The following GFM2 variants were observed in gnomAD, a reference collection of about 807,000 sequenced individuals.
The protein encoded by GFM2 is ribosome-releasing factor 2, mitochondrial.
Under a neutral mutation model 95.4 loss-of-function variants are expected in GFM2, and 72 were observed. That is an observed-to-expected ratio of 0.76 (90% CI 0.62 to 0.92). The LOEUF is 0.92. Among genes scored for constraint, GFM2 ranks in the 40% least tolerant of loss-of-function variants. The probability of loss-of-function intolerance (pLI) is 0.00; values close to 1 mark genes in which losing one functional copy is unlikely to be tolerated. For missense variants in GFM2, 825 were observed against 924.1 expected, an observed-to-expected ratio of 0.89 and a Z score of 1.39; for synonymous variants, 276 against 317.5, an observed-to-expected ratio of 0.87 and a Z score of 1.39.
intron 11 of GFM2, among the ~76,000 whole-genome samples, chr5:74,741,112 T>A (rs1034745680): frequency 6.6e-6 from 1 of 152,072 alleles, no homozygotes; most frequent in Admixed American, 6.6e-5. Context: ...CTGTAATGAG[T>A]TTCCATGAAA....
At chr5:74,748,998 C>T (rs1329314884) in intron 7 of GFM2, among the ~76,000 whole-genome samples, 6 of 148,808 alleles carry the variant, frequency 4.0e-5, no homozygotes, top group Non-Finnish European at 7.4e-5. Context: ...AAAGTAGTTG[C>T]ATTATTTTGC....
At position 74,725,941 on chromosome 5, in the gene GFM2, C is replaced by T. The variant is rs1281793876; in HGVS notation, c.1912G>A (p.Gly638Arg). 1.9e-6 allele frequency: 3 copies of T among 1,607,502 alleles called. No homozygotes were observed. The highest frequency in any genetic ancestry group is 1.7e-5 in the Admixed American group (1 of 59,180). Reference sequence around the variant, plus strand: ...GCTTACTCTCATTTGAGTGTCTTACCTTGGAGACATGCGCTGTGAATTCCA... The same window carrying T: ...GCTTACTCTCATTTGAGTGTCTTACTTTGGAGACATGCGCTGTGAATTCCA... ...ENGIHSACLQGPLLGSPIQDV... is the reference protein window; with the variant it reads ...ENGIHSACLQRPLLGSPIQDV... The change falls in exon 18 of 21, where the codon GGA becomes AGA. Residue 638 changes from glycine to arginine, a missense_variant and splice_region_variant. Gly to Arg is a moderately radical substitution (Grantham distance 125, BLOSUM62 -2). Transcript: ENST00000296805.
intron 2 of GFM2, among the ~76,000 whole-genome samples, chr5:74,761,430 A>C (rs907837507): frequency 6.6e-6 from 1 of 152,218 alleles, no homozygotes; most frequent in African/African-American, 2.4e-5. Flanking sequence ...AGGTTAAATA[A>C]GGTATCTCAC....
In GFM2 at chr5:74,751,498, C is replaced by G. The variant is rs751154706; in HGVS notation, c.305-5G>C. On this transcript the variant is annotated splice_region_variant and splice_polypyrimidine_tract_variant and intron_variant, in intron 5 of 20. Coordinates refer to ENST00000296805, the MANE Select transcript of GFM2 (RefSeq NM_032380.5). ...CTGTGTCTCCATCATCAACATCTAGCCAGGAAAAAGATGATACAGTTTAGT... is the reference window on the plus strand; with the variant it reads ...CTGTGTCTCCATCATCAACATCTAGGCAGGAAAAAGATGATACAGTTTAGT... 1.9e-6 allele frequency: 3 copies of G among 1,605,176 alleles called. No individual in the cohort carries two copies. In the Admixed American group the frequency reaches 5.0e-5, roughly 27 times the overall value.
At chr5:74,751,587 G>C (rs900051929) in intron 5 of GFM2, 94 bp from the exon 6 acceptor site, 2 of 836,208 alleles carry the variant, frequency 2.4e-6, no homozygotes, top group Non-Finnish European at 3.7e-6. Flanking sequence ...CCTGCCTTAA[G>C]AAAAATCTTT....
At position 74,767,110 on chromosome 5, in the gene GFM2, G is replaced by GCCACACCT. The variant is rs1246621247; in HGVS notation, c.-198_-197insAGGTGTGG. 3 of 485,306 alleles carry GCCACACCT rather than the reference G, an allele frequency of 6.2e-6. No individual in the cohort carries two copies. The highest frequency in any genetic ancestry group is 3.7e-6 in the Non-Finnish European group (1 of 267,758). The allele number at this position is 485,306 out of a possible 1,614,324, so 30.1% of individuals were successfully genotyped here. A position where few individuals can be genotyped will look rare whatever the true frequency, so the allele number is the denominator to read the frequency against. On this transcript the variant is annotated 5_prime_UTR_variant, in exon 1 of 21. Transcript: ENST00000296805. ...TTTCTCCGCTCTACCGCCTCGGGCA[G>GCCACACCT]CCACACCTCCACACTTCCGGCGGTG... is the stretch of plus-strand genomic sequence containing the variant.
intron 12 of GFM2, among the ~76,000 whole-genome samples, chr5:74,739,483 T>G (rs16872233): frequency 6.6e-6 from 1 of 152,152 alleles, no homozygotes; most frequent in African/African-American, 2.4e-5. Context: ...AATTTAGAGA[T>G]ATGAAAAGTT....
chr5:74,765,806 G>A (rs1486869400), intron 1 of GFM2, among the ~76,000 whole-genome samples: 12 of 151,926 alleles, frequency 7.9e-5, no homozygotes, highest in South Asian at 2.1e-4. Context: ...AAACCAGCCC[G>A]ACCAACATGG....
rs368688699 is a variant in GFM2, at chr5:74,760,930, C to G, written c.120G>C (p.Pro40=). ...ASLKRLKPHV[P]LGRNCSSLPG... is the part of the protein sequence containing the mutation. ...GTAGAGAACTGCAATTTCTTCCAAG[C>G]GGCACATGTGGCTTTAATCTTTTTA... The change falls in exon 3 of 21, where the codon CCG becomes CCC. Residue 40 remains proline, a synonymous_variant. Coordinates refer to ENST00000296805, the MANE Select transcript of GFM2 (RefSeq NM_032380.5). 15 of 1,610,100 alleles carry G rather than the reference C, an allele frequency of 9.3e-6. No individual in the cohort carries two copies. Among genetic ancestry groups the G allele is most frequent in the Non-Finnish European group, 1.3e-5 (15 of 1,176,954 alleles).
intron 19 of GFM2, among the ~76,000 whole-genome samples, chr5:74,723,535 T>C (rs527691009): frequency 1.3e-5 from 2 of 152,290 alleles, no homozygotes; most frequent in East Asian, 1.9e-4. Flanking sequence ...CTTAGTCCAT[T>C]TCCTGTCCTC....
In GFM2 at chr5:74,722,567, G is replaced by T. The variant is rs745828669; in HGVS notation, c.2029-6C>A. ...TTATCAGCTTTCTTCAGAGCCTAAA[G>T]AAATTAAAGAATGTTAACTTATCTT... On this transcript the variant is annotated splice_region_variant and splice_polypyrimidine_tract_variant and intron_variant, in intron 19 of 20. Coordinates refer to ENST00000296805, the MANE Select transcript of GFM2 (RefSeq NM_032380.5). 3 of 1,599,180 alleles carry T rather than the reference G, an allele frequency of 1.9e-6. No individual in the cohort carries two copies. The highest frequency in any genetic ancestry group is 2.7e-5 in the African/African-American group (2 of 73,946).
chr5:74,751,300 A>G (rs1743692712), intron 6 of GFM2, 68 bp downstream of exon 6: 14 of 1,512,692 alleles, frequency 9.3e-6, no homozygotes, highest in Non-Finnish European at 1.2e-5. Context: ...AAGCAAAACA[A>G]AAACCCCAGA....
intron 5 of GFM2, among the ~76,000 whole-genome samples, chr5:74,751,932 G>C (rs1442154732): frequency 6.6e-6 from 1 of 152,018 alleles, no homozygotes; most frequent in African/African-American, 2.4e-5. Flanking sequence ...ACTTAACCTA[G>C]TTTGTAAAAT....
chr5:74,722,309 G>A (rs1749933618), intron 20 of GFM2, 70 bp downstream of exon 20: 5 of 1,181,066 alleles, frequency 4.2e-6, no homozygotes, highest in Non-Finnish European at 6.1e-6. Flanking sequence ...GTTACTGATT[G>A]TCTATTCATT....
chr5:74,722,932 C>CT (rs1348580125), intron 19 of GFM2, among the ~76,000 whole-genome samples: 1 of 151,438 alleles, frequency 6.6e-6, no homozygotes, highest in Admixed American at 6.6e-5. Flanking sequence ...AAGGGGAGAG[C>CT]TTAAAAAAAA....
rs762565992 is a variant in GFM2, at chr5:74,722,438, T to G, written c.2152A>C (p.Ile718Leu). 6.2e-7 allele frequency: 1 copy of G among 1,614,068 alleles called. No homozygotes were observed. The highest frequency in any genetic ancestry group is 1.1e-5 in the South Asian group (1 of 91,078). The change falls in exon 20 of 21, where the codon ATT becomes CTT. Residue 718 changes from isoleucine to leucine, a missense_variant. Coordinates refer to ENST00000296805, the MANE Select transcript of GFM2 (RefSeq NM_032380.5). ...ACTTTGTTGTCCTGGCGAGTCTGAA[T>G]TTCCTGAATGTTTCCTCTTCTTTGT... Reference protein sequence around the residue: ...LAQRRGNIQEIQTRQDNKVVI... With the variant: ...LAQRRGNIQELQTRQDNKVVI...
chr5:74,722,869 C>T (rs1319678250), intron 19 of GFM2, among the ~76,000 whole-genome samples: 2 of 151,928 alleles, frequency 1.3e-5, no homozygotes, highest in East Asian at 3.9e-4. Context: ...TGTTTCTGTT[C>T]CTGATGTCTA....
rs146656777 is a variant in GFM2, at chr5:74,733,229, G to T, written c.1511-131C>A. The T allele has an allele frequency of 1.2e-3, 754 of 615,360 alleles. 11 individuals carry two copies. In the Admixed American group the frequency reaches 0.017, roughly 14 times the overall value. 38.1% of individuals were successfully genotyped at this position (615,360 alleles called of 1,614,324 possible). On this transcript the variant is annotated intron_variant, in intron 15 of 20. Coordinates refer to ENST00000296805, the MANE Select transcript of GFM2 (RefSeq NM_032380.5). ...ATTTCGACCAGGTGTGGTGACTCAC[G>T]TCTGTAATCCCAGCACTTTGGGAAG...
At position 74,738,497 on chromosome 5, in the gene GFM2, C is replaced by T; in HGVS notation, c.1220+5G>A. On this transcript the variant is annotated splice_donor_5th_base_variant and intron_variant, in intron 13 of 20. Coordinates refer to ENST00000296805, the MANE Select transcript of GFM2 (RefSeq NM_032380.5). ...TTTTATAAAATAATCTAAGCTTCTA[C>T]TTACGTGCAGTTTCCATTAATATTA... 6.2e-7 allele frequency: 1 copy of T among 1,611,556 alleles called. No homozygotes were observed. The highest frequency in any genetic ancestry group is 1.3e-5 in the African/African-American group (1 of 74,804).
Sources: gnomAD v4.1 joint callset for allele counts (sites outside exome capture counted in the v4.1 genomes callset) on GRCh38, gnomAD v4.1.1 for gene constraint, MANE v1.5 for transcripts, NCBI Gene and HGNC (gene_info 2026-07-23, HGNC 2026-07-21) for gene names.